Variants in PLAG1 observed in about 807,000 individuals in gnomAD.
The protein encoded by PLAG1 is PLAG1 zinc finger.
A neutral mutation model predicts 35.5 loss-of-function variants in PLAG1; 7 were observed. The observed-to-expected ratio is 0.20, with a 90% confidence interval of 0.11 to 0.37. The LOEUF is 0.37. Ranked by LOEUF, PLAG1 falls within the 10% of genes least tolerant of loss-of-function variation. The pLI is 1.00. For missense variants in PLAG1, 454 were observed against 602.8 expected (o/e 0.75, Z 2.58); for synonymous variants, 229 against 225.4 (o/e 1.02, Z -0.14).
chr8:56,195,957 C>G (rs1009627719), intron 1 of PLAG1, among the ~76,000 whole-genome samples: 1 of 152,164 alleles, frequency 6.6e-6, no homozygotes, highest in African/African-American at 2.4e-5. Context: ...CAGACCTAGT[C>G]TCGCGGGTGT....
intron 1 of PLAG1, among the ~76,000 whole-genome samples, chr8:56,190,929 T>G (rs1194540273): frequency 1.3e-5 from 2 of 152,090 alleles, no homozygotes; most frequent in Non-Finnish European, 2.9e-5. Flanking sequence ...GGTAAGAACA[T>G]TCCAGCAGAG....
chr8:56,180,677 C>T (rs541381337), intron 1 of PLAG1, among the ~76,000 whole-genome samples: 1 of 152,282 alleles, frequency 6.6e-6, no homozygotes, highest in African/African-American at 2.4e-5. Context: ...TTTCAGTATT[C>T]TGCATATGGC....
At chr8:56,187,768 T>C (rs1398603980) in intron 1 of PLAG1, among the ~76,000 whole-genome samples, 4 of 152,188 alleles carry the variant, frequency 2.6e-5, no homozygotes, top group African/African-American at 9.7e-5. Flanking sequence ...ATGAGATTTG[T>C]ATTAAAAGTG....
chr8:56,206,486 C>T (rs908944260), intron 1 of PLAG1, among the ~76,000 whole-genome samples: 8 of 151,824 alleles, frequency 5.3e-5, no homozygotes, highest in Admixed American at 2.6e-4. Context: ...TAGGTTTGAG[C>T]ATTTCAAAAA....
chr8:56,191,255 GAGC>G (rs1340487795), intron 1 of PLAG1, among the ~76,000 whole-genome samples: 1 of 152,176 alleles, frequency 6.6e-6, no homozygotes, highest in African/African-American at 2.4e-5. Flanking sequence ...GAACATTCTA[GAGC>G]ACTAGCAGGA....
At position 56,167,554 on chromosome 8, in the gene PLAG1, GTA is replaced by G; in HGVS notation, c.243-53_243-52del. ...GTAGTTATTATGACAAAAATGGCATGTATTCACTTTTCAAATGGAAGCTAAAC... is the reference window on the plus strand; with the variant it reads ...GTAGTTATTATGACAAAAATGGCATGTTCACTTTTCAAATGGAAGCTAAAC... On this transcript the variant is annotated intron_variant, in intron 4 of 4. Coordinates refer to ENST00000316981, the MANE Select transcript of PLAG1 (RefSeq NM_002655.3). The surrounding 1 kb of genome is among the most constrained non-coding windows in gnomAD (Gnocchi z 5.9). 1 of 1,202,704 alleles carries G rather than the reference GTA, an allele frequency of 8.3e-7. No individual in the cohort carries two copies. Among genetic ancestry groups the G allele is most frequent in the Non-Finnish European group, 1.2e-6 (1 of 852,960 alleles). The allele number at this position is 1,202,704 out of a possible 1,614,324, so 74.5% of individuals were successfully genotyped here.
intron 3 of PLAG1, 50 bp downstream of exon 3, chr8:56,171,041 C>T (rs996815697): frequency 5.6e-6 from 2 of 354,682 alleles, no homozygotes; most frequent in Non-Finnish European, 7.9e-6. Context: ...CAGTCAAATA[C>T]TTTAAAGGTG....
At chr8:56,195,259 T>A (rs1488745271) in intron 1 of PLAG1, among the ~76,000 whole-genome samples, 1 of 152,166 alleles carries the variant, frequency 6.6e-6, no homozygotes, top group Non-Finnish European at 1.5e-5. Flanking sequence ...TAATACTTAG[T>A]GACTTAAATT....
In PLAG1 at chr8:56,165,010, G is replaced by T. The variant is rs1811311451; in HGVS notation, c.*1233C>A. 1 of 206,612 alleles carries T rather than the reference G, an allele frequency of 4.8e-6. No homozygotes were observed. The highest frequency in any genetic ancestry group is 9.9e-6 in the Non-Finnish European group (1 of 101,296). The allele number at this position is 206,612 out of a possible 1,614,324, so 12.8% of individuals were successfully genotyped here. ...AAATTCTCCATCCAAAATATTGCAAGGAAAGATGGATTCACATTGAATCAG... is the reference window on the plus strand; with the variant it reads ...AAATTCTCCATCCAAAATATTGCAATGAAAGATGGATTCACATTGAATCAG... On this transcript the variant is annotated 3_prime_UTR_variant, in exon 5 of 5. Transcript: ENST00000316981.
chr8:56,179,782 C>T (rs1228917331), intron 1 of PLAG1, among the ~76,000 whole-genome samples: 1 of 134,872 alleles, frequency 7.4e-6, no homozygotes, highest in African/African-American at 2.9e-5. Context: ...AGTTTACTGT[C>T]ATTTCTCAAA....
At position 56,166,612 on chromosome 8, in the gene PLAG1, TGAC is replaced by T; in HGVS notation, c.1131_1133del (p.Ser380del). On this transcript the variant is annotated inframe_deletion, in exon 5 of 5. Coordinates refer to ENST00000316981, the MANE Select transcript of PLAG1 (RefSeq NM_002655.3). ...GAGGATCCAACCCTAGCTTAGATGATGACGATGCTTGAGAATCTTGGGATGAAG... is the reference window on the plus strand; with the variant it reads ...GAGGATCCAACCCTAGCTTAGATGATGATGCTTGAGAATCTTGGGATGAAG... 1 of 1,614,110 alleles carries T rather than the reference TGAC, an allele frequency of 6.2e-7. No individual in the cohort carries two copies. Among genetic ancestry groups the T allele is most frequent in the Non-Finnish European group, 8.5e-7 (1 of 1,179,988 alleles).
chr8:56,196,912 C>T (rs1448949556), intron 1 of PLAG1, among the ~76,000 whole-genome samples: 4 of 151,350 alleles, frequency 2.6e-5, no homozygotes, highest in Non-Finnish European at 1.5e-5. Context: ...GTCTTGTGTT[C>T]CCACATGGGG....
At chr8:56,209,098 G>T (rs958856577) in intron 1 of PLAG1, among the ~76,000 whole-genome samples, 2 of 152,034 alleles carry the variant, frequency 1.3e-5, no homozygotes, top group African/African-American at 4.8e-5. Flanking sequence ...GAATATTAAG[G>T]TATTTTACAG....
intron 1 of PLAG1, among the ~76,000 whole-genome samples, chr8:56,183,086 G>C (rs963762519): frequency 6.6e-6 from 1 of 152,160 alleles, no homozygotes; most frequent in African/African-American, 2.4e-5. Context: ...GAGAAGCACA[G>C]GAGTGTCCAG....
chr8:56,208,624 A>C (rs1812764110), intron 1 of PLAG1, among the ~76,000 whole-genome samples: 1 of 152,184 alleles, frequency 6.6e-6, no homozygotes, highest in Non-Finnish European at 1.5e-5. Context: ...CATGTCTATA[A>C]ATAATAAAAA....
At chr8:56,169,426 C>T (rs748568389) in intron 3 of PLAG1, among the ~76,000 whole-genome samples, 1 of 151,544 alleles carries the variant, frequency 6.6e-6, no homozygotes, top group Admixed American at 6.6e-5. Context: ...GAATTAAAAC[C>T]TTTAAAAATT....
intron 2 of PLAG1, among the ~76,000 whole-genome samples, chr8:56,178,857 T>C (rs867578969): frequency 1.3e-5 from 2 of 152,120 alleles, no homozygotes; most frequent in Non-Finnish European, 2.9e-5. Flanking sequence ...GAGCTGCGCC[T>C]ACAGGCTGGG....
chr8:56,206,019 T>A (rs186744662), intron 1 of PLAG1, among the ~76,000 whole-genome samples: 736 of 152,076 alleles, frequency 4.8e-3, no homozygotes, highest in Non-Finnish European at 9.1e-3. Context: ...ACTACCTTTT[T>A]AAAAAAATAA....
intron 1 of PLAG1, among the ~76,000 whole-genome samples, chr8:56,186,380 TA>T (rs932260761): frequency 2.0e-5 from 3 of 152,176 alleles, no homozygotes; most frequent in African/African-American, 4.8e-5. Flanking sequence ...TATTTATTTT[TA>T]TTTTTTTTGA....
Sources: gnomAD v4.1 joint callset for allele counts (sites outside exome capture counted in the v4.1 genomes callset) on GRCh38, gnomAD v4.1.1 for gene constraint, Gnocchi (gnomAD v3.1) non-coding constraint, MANE v1.5 for transcripts, NCBI Gene and HGNC (gene_info 2026-07-23, HGNC 2026-07-21) for gene names.